Variants in PRKN observed in about 807,000 individuals in gnomAD.
PRKN encodes the protein parkin RBR E3 ubiquitin protein ligase.
Under a neutral mutation model 59.5 loss-of-function variants are expected in PRKN, and 56 were observed. The observed-to-expected ratio is 0.94, with a 90% CI of 0.76 to 1.18. The LOEUF (loss-of-function observed/expected upper bound fraction) is 1.18. Among genes scored for constraint, PRKN ranks in the 50% most tolerant of loss-of-function variants. PRKN has a pLI of 0.00. For missense variants in PRKN, 657 were observed against 596.4 expected (o/e 1.10, Z -1.06); for synonymous variants, 250 against 222.1 (o/e 1.13, Z -1.12).
At chr6:161,365,201 A>G (rs1473358136) in intron 10 of PRKN, among the ~76,000 whole-genome samples, 1 of 152,210 alleles carries the variant, frequency 6.6e-6, no homozygotes, top group Non-Finnish European at 1.5e-5. Context: ...AATGTAATAG[A>G]AAGTATAAAA....
At position 161,552,418 on chromosome 6, in the gene PRKN, GGTGATCCTC is replaced by G. The variant is rs1408032548; in HGVS notation, c.934-3424_934-3416del. On this transcript the variant is annotated intron_variant, in intron 8 of 11. Transcript: ENST00000366898. The surrounding 1 kb of genome is among the most constrained non-coding windows in gnomAD (Gnocchi z 4.9). Reference sequence around the variant, plus strand: ...CACCTATGACTGTGAATGATCTCACGGTGATCCTCCAAGCCTCTCTCCCTCAGCTCTGTT... The same window carrying G: ...CACCTATGACTGTGAATGATCTCACGCAAGCCTCTCTCCCTCAGCTCTGTT... Among the ~76,000 whole-genome samples the G allele has an allele frequency of 0.44, 50,698 of 115,754 alleles. 14,675 individuals carry two copies. The highest frequency in any genetic ancestry group is 0.66 in the East Asian group (2,483 of 3,776). 75.9% of individuals were successfully genotyped at this position (115,754 alleles called of 152,430 possible).
At chr6:162,086,515 A>G (rs1779253164) in intron 4 of PRKN, among the ~76,000 whole-genome samples, 2 of 152,214 alleles carry the variant, frequency 1.3e-5, no homozygotes, top group South Asian at 4.1e-4. Flanking sequence ...ACTACAAAAT[A>G]CAACATTTAA....
At chr6:162,047,587 C>A (rs1304523349) in intron 5 of PRKN, among the ~76,000 whole-genome samples, 1 of 150,110 alleles carries the variant, frequency 6.7e-6, no homozygotes, top group African/African-American at 2.4e-5. Flanking sequence ...ATGAAACCAT[C>A]CTGAGAAATT....
At chr6:161,869,411 AAAAG>A (rs1794252708) in intron 6 of PRKN, among the ~76,000 whole-genome samples, 2 of 151,308 alleles carry the variant, frequency 1.3e-5, no homozygotes, top group Admixed American at 1.3e-4. Context: ...AAAATAAAAT[AAAAG>A]AAAGGCGATG....
At chr6:161,635,251 A>G (rs1427552510) in intron 7 of PRKN, among the ~76,000 whole-genome samples, 1 of 152,212 alleles carries the variant, frequency 6.6e-6, no homozygotes, top group Non-Finnish European at 1.5e-5. Flanking sequence ...AAAAACATCA[A>G]CCAGAAAAAT....
intron 1 of PRKN, among the ~76,000 whole-genome samples, chr6:162,525,072 C>A (rs1468273532): frequency 6.6e-6 from 1 of 152,120 alleles, no homozygotes; most frequent in African/African-American, 2.4e-5. Context: ...AATAAAATGT[C>A]AACTACTTCG....
intron 7 of PRKN, among the ~76,000 whole-genome samples, chr6:161,647,767 T>G (rs1409908205): frequency 1.3e-5 from 2 of 152,232 alleles, no homozygotes; most frequent in Non-Finnish European, 2.9e-5. Context: ...GTTTCTTCAG[T>G]GTTAAGCATA....
At chr6:162,634,434 C>T (rs976450861) in intron 1 of PRKN, among the ~76,000 whole-genome samples, 8 of 152,104 alleles carry the variant, frequency 5.3e-5, no homozygotes, top group African/African-American at 1.7e-4. Context: ...CTAGGAAGCT[C>T]CCTGTTCTGC....
At chr6:162,072,917 G>A (rs550315386) in intron 4 of PRKN, among the ~76,000 whole-genome samples, 1 of 152,196 alleles carries the variant, frequency 6.6e-6, no homozygotes, top group Non-Finnish European at 1.5e-5. Context: ...AATAACCACA[G>A]TAGAACAATA....
chr6:161,508,623 GCTCC>G (rs1778261747), intron 9 of PRKN, among the ~76,000 whole-genome samples: 1 of 152,108 alleles, frequency 6.6e-6, no homozygotes, highest in South Asian at 2.1e-4. Flanking sequence ...TCCGCCCTGA[GCTCC>G]CTTTTCCTCA....
chr6:162,692,519 A>C (rs1477674318), intron 1 of PRKN, among the ~76,000 whole-genome samples: 2 of 152,164 alleles, frequency 1.3e-5, no homozygotes, highest in African/African-American at 4.8e-5. Flanking sequence ...GAGGGGCTGC[A>C]GACTGAGTAA....
rs953770090 is a variant in PRKN, at chr6:161,396,829, T to C, written c.1084-9952A>G. ...AATACCTGGGCCCGCCCTGGGCAACTTGGGGCAAGGCCAGCTTTGGAAAGA... is the reference window on the plus strand; with the variant it reads ...AATACCTGGGCCCGCCCTGGGCAACCTGGGGCAAGGCCAGCTTTGGAAAGA... On this transcript the variant is annotated intron_variant, in intron 9 of 11. Transcript: ENST00000366898. The surrounding 1 kb of genome is among the most constrained non-coding windows in gnomAD (Gnocchi z 5.4). 6.6e-6 allele frequency among the ~76,000 whole-genome samples: 1 copy of C among 152,200 alleles called. No homozygotes were observed. The highest frequency in any genetic ancestry group is 2.4e-5 in the African/African-American group (1 of 41,440).
intron 6 of PRKN, among the ~76,000 whole-genome samples, chr6:161,945,372 A>C (rs1779740964): frequency 6.6e-6 from 1 of 152,148 alleles, no homozygotes; most frequent in Non-Finnish European, 1.5e-5. Flanking sequence ...GTGGTATCAG[A>C]ATGTTTTCTT....
At chr6:161,855,750 G>A (rs960598976) in intron 6 of PRKN, among the ~76,000 whole-genome samples, 124 of 152,228 alleles carry the variant, frequency 8.1e-4, no homozygotes, top group African/African-American at 2.8e-3. Context: ...CTTATTTTAT[G>A]AGACTAATAT....
At chr6:162,014,205 G>C (rs1167152292) in intron 5 of PRKN, among the ~76,000 whole-genome samples, 3 of 152,124 alleles carry the variant, frequency 2.0e-5, no homozygotes, top group African/African-American at 7.2e-5. Flanking sequence ...TGTGGGGCCT[G>C]GTTAAAAACC....
chr6:161,899,965 T>C (rs1251686384), intron 6 of PRKN, among the ~76,000 whole-genome samples: 1 of 151,720 alleles, frequency 6.6e-6, no homozygotes, highest in East Asian at 1.9e-4. Flanking sequence ...CTACTAGAAA[T>C]ACAAAAATTA....
intron 6 of PRKN, among the ~76,000 whole-genome samples, chr6:161,786,911 G>GA (rs11372289): frequency 0.8 from 121,303 of 150,732 alleles, 51,244 homozygotes; most frequent in East Asian, 0.95. Context: ...ATACTCTGTA[G>GA]AAAAAAAAAT....
At chr6:161,731,746 G>A (rs934794326) in intron 7 of PRKN, among the ~76,000 whole-genome samples, 2 of 152,066 alleles carry the variant, frequency 1.3e-5, no homozygotes, top group African/African-American at 2.4e-5. Context: ...AAATGCAATT[G>A]GAAATGAAGG....
chr6:162,238,958 C>T (rs985975211), intron 3 of PRKN, among the ~76,000 whole-genome samples: 1 of 152,192 alleles, frequency 6.6e-6, no homozygotes, highest in African/African-American at 2.4e-5. Context: ...TACTATGATA[C>T]TGGAGACCAC....
Sources: allele counts gnomAD v4.1 joint callset (sites outside exome capture counted in the v4.1 genomes callset), GRCh38; gene constraint gnomAD v4.1.1; non-coding constraint Gnocchi (gnomAD v3.1); transcripts MANE v1.5; gene names NCBI Gene and HGNC (gene_info 2026-07-23, HGNC 2026-07-21).